Variants in LAMP2 observed in about 807,000 individuals in gnomAD.
The protein encoded by LAMP2 is lysosome associated membrane protein 2.
LAMP2 carries 4 observed loss-of-function variants against 25.6 expected under a neutral mutation model. That is an observed-to-expected ratio of 0.16 (90% CI 0.08 to 0.36). The LOEUF is 0.36. Among genes scored for constraint, LAMP2 ranks in the 10% least tolerant of loss-of-function variants. The pLI, the probability that LAMP2 is intolerant of heterozygous loss-of-function variation, is 1.00. For synonymous variants in LAMP2, 108 were observed against 112.7 expected, an observed-to-expected ratio of 0.96 and a Z score of 0.27; for missense variants, 272 against 301.4, an observed-to-expected ratio of 0.90 and a Z score of 0.72.
At position 120,456,842 on chromosome X, in the gene LAMP2, C is replaced by G. The variant is rs375204500; in HGVS notation, c.65-73G>C. On this transcript the variant is annotated intron_variant, in intron 1 of 8. Transcript: ENST00000200639. ...TATATAAATTAAAAACAAGCTCTAC[C>G]CACCACTGAAGTTCAACCAGCTCTA... The G allele has an allele frequency of 5.2e-6, 3 of 574,196 alleles. No individual in the cohort carries two copies. The East Asian group carries it at 1.1e-4, about 22-fold the overall frequency. 47.3% of individuals were successfully genotyped at this position (574,196 alleles called of 1,213,427 possible).
rs2147286966 is a variant in LAMP2 at position 120,455,555 on chromosome X, A to G, written c.199T>C (p.Ser67Pro). The G allele has an allele frequency of 7.5e-6, 9 of 1,205,079 alleles. No individual in the cohort carries two copies. Among genetic ancestry groups the G allele is most frequent in the Non-Finnish European group, 9.0e-6 (8 of 889,750 alleles). Residue 67 changes from serine to proline, a missense_variant, in exon 3 of 9, where the codon TCA (serine) becomes CCA (proline). Transcript: ENST00000200639. ...TNKTYKTVTI[S>P]DHGTVTYNGS... ...TTATATGTCACAGTGCCATGGTCTG[A>G]AATGGTTACAGTTTTCTAAAAGAAA...
chrX:120,454,934 G>GATATATATATAT (rs397842673), intron 3 of LAMP2, among the ~76,000 whole-genome samples: 195 of 81,610 alleles, frequency 2.4e-3, no homozygotes, highest in African/African-American at 8.6e-3. Context: ...CACACACTAG[G>GATATATATATAT]ATATATATAT....
chrX:120,430,448 T>C lies in LAMP2; in HGVS notation c.*875A>G. ...TAAATAGATTTTAATGCTCCAGAGA[T>C]CAACAAGATGAGGTAGAGAAACACA... is the stretch of plus-strand genomic sequence containing the variant. On this transcript the variant is annotated 3_prime_UTR_variant, in exon 9 of 9. Coordinates refer to ENST00000200639, the MANE Select transcript of LAMP2 (RefSeq NM_002294.3). The C allele has an allele frequency of 1.3e-6, 1 of 752,752 alleles. No individual in the cohort carries two copies. The highest frequency in any genetic ancestry group is 1.6e-6 in the Non-Finnish European group (1 of 637,877). 62.0% of individuals were successfully genotyped at this position (752,752 alleles called of 1,213,427 possible).
intron 8 of LAMP2, among the ~76,000 whole-genome samples, chrX:120,432,369 C>A (rs1454093765): frequency 9.0e-6 from 1 of 110,662 alleles, no homozygotes; most frequent in Non-Finnish European, 1.9e-5. Context: ...CACAAAGGTA[C>A]TATATGCTCT....
At chrX:120,438,920 G>A in intron 8 of LAMP2, 3 of 984,313 alleles carry the variant, frequency 3.0e-6, no homozygotes, top group Non-Finnish European at 3.8e-6. Flanking sequence ...ATAATCCAGT[G>A]ATTTTGCACA....
In LAMP2 at chrX:120,431,804, C is replaced by G. The variant is rs1188803305; in HGVS notation, c.1094-342G>C. On this transcript the variant is annotated intron_variant, in intron 8 of 8. Coordinates refer to ENST00000200639, the MANE Select transcript of LAMP2 (RefSeq NM_002294.3). ...CAGGCCGTGAGCTTTCAGAGGCAAA[C>G]TGTTATGATGTCGAAGAAGCACAAT... Among the ~76,000 whole-genome samples, 4 of 112,229 alleles carry G rather than the reference C, an allele frequency of 3.6e-5. No homozygotes were observed. In the Admixed American group the frequency reaches 3.8e-4, roughly 11 times the overall value.
intron 8 of LAMP2, among the ~76,000 whole-genome samples, chrX:120,432,404 G>GA (rs1161667128): frequency 1.8e-5 from 2 of 109,948 alleles, no homozygotes; most frequent in South Asian, 3.9e-4. Flanking sequence ...TTATCCTGAT[G>GA]AAAAAAAAAT....
At chrX:120,439,382 A>G in intron 8 of LAMP2, 1 of 894,116 alleles carries the variant, frequency 1.1e-6, no homozygotes, top group East Asian at 3.1e-5. Context: ...AAAGTCAGAA[A>G]TGTTCTTACA....
At chrX:120,432,771 T>C (rs1194299086) in intron 8 of LAMP2, among the ~76,000 whole-genome samples, 1 of 111,171 alleles carries the variant, frequency 9.0e-6, no homozygotes, top group East Asian at 2.8e-4. Context: ...AAGAGAGAGA[T>C]GCTCAGTTTT....
intron 1 of LAMP2, among the ~76,000 whole-genome samples, chrX:120,461,801 T>C (rs1417080594): frequency 2.7e-5 from 3 of 112,003 alleles, no homozygotes; most frequent in Admixed American, 1.9e-4. Context: ...ACCCAAAACA[T>C]AGCTTAATCT....
intron 8 of LAMP2, chrX:120,438,211 C>T: frequency 1.3e-6 from 1 of 748,944 alleles, no homozygotes; most frequent in African/African-American, 2.3e-5. Flanking sequence ...GGTTCTAGGA[C>T]ACACTGGCAT....
intron 1 of LAMP2, among the ~76,000 whole-genome samples, chrX:120,465,820 T>C (rs1006116411): frequency 1.3e-4 from 15 of 112,147 alleles, no homozygotes; most frequent in Non-Finnish European, 2.3e-4. Flanking sequence ...TTAGGTACTT[T>C]ACAAATATTT....
rs2058529293 is a variant in LAMP2, at chrX:120,433,042, T to A, written c.1094-1580A>T. Among the ~76,000 whole-genome samples, 8 of 110,589 alleles carry A rather than the reference T, an allele frequency of 7.2e-5. No individual in the cohort carries two copies. The South Asian group carries it at 3.0e-3, about 42-fold the overall frequency. On this transcript the variant is annotated intron_variant, in intron 8 of 8. Coordinates refer to ENST00000200639, the MANE Select transcript of LAMP2 (RefSeq NM_002294.3). ...AAGGGGAAGTAGAATAAAAAGAGGATCAGAGACAAAAACCCTTGGGAACAC... is the reference window on the plus strand; with the variant it reads ...AAGGGGAAGTAGAATAAAAAGAGGAACAGAGACAAAAACCCTTGGGAACAC...
At chrX:120,442,721 T>C in intron 6 of LAMP2, 59 bp from the exon 7 acceptor site, 1 of 875,290 alleles carries the variant, frequency 1.1e-6, no homozygotes, top group Non-Finnish European at 1.7e-6. Context: ...AGATAACAGA[T>C]ACGGTTAATA....
Position 120,430,995 on chromosome X carries a change from T to A in LAMP2, c.*328A>T. On this transcript the variant is annotated 3_prime_UTR_variant, in exon 9 of 9. Coordinates refer to ENST00000200639, the MANE Select transcript of LAMP2 (RefSeq NM_002294.3). ...GACACAACTACATATTTTATTCTTA[T>A]AATGGCCATGTTAATAAGTTCAAGG... is the stretch of plus-strand genomic sequence containing the variant. 3 of 857,915 alleles carry A rather than the reference T, an allele frequency of 3.5e-6. No individual in the cohort carries two copies. Among genetic ancestry groups the A allele is most frequent in the South Asian group, 7.5e-5 (2 of 26,647 alleles). 70.7% of individuals were successfully genotyped at this position (857,915 alleles called of 1,213,427 possible).
chrX:120,454,402 T>C (rs1231411916), intron 3 of LAMP2, among the ~76,000 whole-genome samples: 1 of 110,771 alleles, frequency 9.0e-6, no homozygotes, highest in African/African-American at 3.3e-5. Flanking sequence ...ATAAAAAGAT[T>C]TGAACAAGAG....
In LAMP2 at chrX:120,427,768, C is replaced by T. The variant is rs1431152994; in HGVS notation, c.*3555G>A. The T allele has an allele frequency of 1.8e-5, 2 of 111,100 alleles. No homozygotes were observed. The highest frequency in any genetic ancestry group is 1.9e-4 in the Admixed American group (2 of 10,447). 9.2% of individuals were successfully genotyped at this position (111,100 alleles called of 1,213,427 possible). ...CCCATACAGGTGTTCCAAATCAACA[C>T]CTTTTTTAAAAAAAGCTGGAGGTCT... On this transcript the variant is annotated 3_prime_UTR_variant, in exon 9 of 9. Transcript: ENST00000200639.
intron 1 of LAMP2, among the ~76,000 whole-genome samples, chrX:120,462,162 A>ACC (rs906347761): frequency 1.8e-5 from 2 of 111,237 alleles, no homozygotes; most frequent in Admixed American, 1.9e-4. Flanking sequence ...CTCAAAATCA[A>ACC]CCGTTCTCAA....
intron 8 of LAMP2, chrX:120,436,949 T>C (rs1288218620): frequency 9.3e-6 from 7 of 750,826 alleles, no homozygotes; most frequent in South Asian, 6.8e-5. Context: ...CTTCCAATTA[T>C]TTTTTTAAAG....
Sources: allele counts gnomAD v4.1 joint callset (sites outside exome capture counted in the v4.1 genomes callset), GRCh38; gene constraint gnomAD v4.1.1; transcripts MANE v1.5; gene names NCBI Gene and HGNC (gene_info 2026-07-23, HGNC 2026-07-21).